SRGAP2: variants seen among roughly 807,000 people sequenced by gnomAD.
The protein encoded by SRGAP2 is SLIT-ROBO Rho GTPase activating protein 2, also known as SLIT-ROBO Rho GTPase-activating protein 2.
SRGAP2 carries 15 observed loss-of-function variants against 57.2 expected under a neutral mutation model. The ratio of observed to expected loss-of-function variants is 0.26; its 90% CI spans 0.18 to 0.40. The LOEUF (loss-of-function observed/expected upper bound fraction) is 0.40, where lower values mean the gene tolerates loss of function less well. SRGAP2 is among the 10% of genes least tolerant of loss of function. The pLI, the probability that SRGAP2 is intolerant of heterozygous loss-of-function variation, is 1.00. For synonymous variants in SRGAP2, 249 were observed against 248.0 expected (o/e 1.00, Z -0.04); for missense variants, 520 against 669.6 (o/e 0.78, Z 2.47).
intron 2 of SRGAP2, among the ~76,000 whole-genome samples, chr1:206,279,601 T>G (rs1336548385): frequency 9.6e-6 from 1 of 103,760 alleles, no homozygotes; most frequent in Admixed American, 9.5e-5. Flanking sequence ...TTTTTTTTTG[T>G]AGAGACAAGG....
At chr1:206,237,609 C>T (rs1405002502) in intron 2 of SRGAP2, among the ~76,000 whole-genome samples, 1 of 152,116 alleles carries the variant, frequency 6.6e-6, no homozygotes, top group Non-Finnish European at 1.5e-5. Context: ...AGCATTCAAC[C>T]TCTTTTTCAT....
At chr1:206,309,248 A>G (rs1282020021) in intron 3 of SRGAP2, among the ~76,000 whole-genome samples, 2 of 151,064 alleles carry the variant, frequency 1.3e-5, no homozygotes, top group Non-Finnish European at 2.9e-5. Flanking sequence ...TTTAGTAGAG[A>G]TATGAGAACA....
At chr1:206,419,961 C>T (rs182805369) in intron 12 of SRGAP2, among the ~76,000 whole-genome samples, 149 of 152,160 alleles carry the variant, frequency 9.8e-4, no homozygotes, top group Non-Finnish European at 1.6e-3. Context: ...CCAATCTTTC[C>T]CCACCTTCCC....
chr1:206,458,335 A>G (rs919367550), intron 21 of SRGAP2: 4 of 594,936 alleles, frequency 6.7e-6, no homozygotes, highest in Admixed American at 2.2e-5. Flanking sequence ...CTTTCCCATT[A>G]GAAACCTTCG....
chr1:206,438,155 A>G (rs1661944488), intron 16 of SRGAP2, 57 bp downstream of exon 16: 4 of 765,886 alleles, frequency 5.2e-6, no homozygotes, highest in Non-Finnish European at 9.8e-6. Flanking sequence ...GTAGCAAGAG[A>G]GAAAAAGTTT....
intron 10 of SRGAP2, among the ~76,000 whole-genome samples, chr1:206,410,439 A>G (rs782493017): frequency 1.3e-5 from 2 of 152,238 alleles, no homozygotes; most frequent in Non-Finnish European, 2.9e-5. Context: ...AAAAGGGTAT[A>G]CAGGAAAACG....
chr1:206,349,526 A>T (rs1307562924), intron 4 of SRGAP2, among the ~76,000 whole-genome samples: 9 of 149,688 alleles, frequency 6.0e-5, no homozygotes, highest in Non-Finnish European at 8.9e-5. Flanking sequence ...AAAAAAAAAA[A>T]GAGGTCCATA....
Position 206,461,651 on chromosome 1 carries a change from C to T in SRGAP2, c.*231C>T. 1.9e-6 allele frequency: 1 copy of T among 523,442 alleles called. No individual in the cohort carries two copies. The highest frequency in any genetic ancestry group is 3.4e-6 in the Non-Finnish European group (1 of 296,992). 32.4% of individuals were successfully genotyped at this position (523,442 alleles called of 1,614,324 possible). A position where few individuals can be genotyped will look rare whatever the true frequency, so the allele number is the denominator to read the frequency against. On this transcript the variant is annotated 3_prime_UTR_variant, in exon 23 of 23. Transcript: ENST00000573034. Reference sequence around the variant, plus strand: ...TCGTCGTAATTCAGCCAGCTGCAGTCCGTACCGTTCTTAGGTTAGCCAGAG... The same window carrying T: ...TCGTCGTAATTCAGCCAGCTGCAGTTCGTACCGTTCTTAGGTTAGCCAGAG...
intron 13 of SRGAP2, among the ~76,000 whole-genome samples, chr1:206,425,405 T>C (rs1660704380): frequency 6.6e-6 from 1 of 152,174 alleles, no homozygotes; most frequent in African/African-American, 2.4e-5. Flanking sequence ...AAATCTTCTA[T>C]CTGTTTTGAA....
At chr1:206,253,542 C>G (rs1253270001) in intron 2 of SRGAP2, among the ~76,000 whole-genome samples, 2 of 150,078 alleles carry the variant, frequency 1.3e-5, no homozygotes, top group Non-Finnish European at 3.0e-5. Context: ...TTCCTTCACT[C>G]TCTCTCTCTT....
chr1:206,438,354 T>G (rs546688888), intron 16 of SRGAP2, among the ~76,000 whole-genome samples: 1 of 152,126 alleles, frequency 6.6e-6, no homozygotes, highest in African/African-American at 2.4e-5. Context: ...ATCTCTGGGC[T>G]TTATCTTTTT....
At chr1:206,322,566 C>T (rs78427777) in intron 3 of SRGAP2, among the ~76,000 whole-genome samples, 2,788 of 131,766 alleles carry the variant, frequency 0.021, 30 homozygotes, top group Middle Eastern at 0.031. Context: ...GGTGACAGAC[C>T]GAGACTCCAT....
chr1:206,203,799 C>T, intron 1 of SRGAP2, 149 bp downstream of exon 1: 3 of 1,533,152 alleles, frequency 2.0e-6, no homozygotes, highest in South Asian at 1.2e-5. Context: ...CCTCAGACCG[C>T]CCCCCCTCCA....
chr1:206,273,395 T>C lies in SRGAP2; in HGVS notation c.68-29886T>C, dbSNP rs1305837677. ...TTTGCCCTTGGACAGGGGAAGAGGATATCTGGGGATTTATATTTTCTATCA... is the reference window on the plus strand; with the variant it reads ...TTTGCCCTTGGACAGGGGAAGAGGACATCTGGGGATTTATATTTTCTATCA... On this transcript the variant is annotated intron_variant, in intron 2 of 22. Transcript: ENST00000573034. Among the ~76,000 whole-genome samples, 727 of 146,190 alleles carry C rather than the reference T, an allele frequency of 5.0e-3. 12 individuals are homozygous for C. Among genetic ancestry groups the C allele is most frequent in the African/African-American group, 0.019 (684 of 36,334 alleles).
chr1:206,354,380 C>G (rs1438311090), intron 4 of SRGAP2, among the ~76,000 whole-genome samples: 3 of 152,116 alleles, frequency 2.0e-5, no homozygotes, highest in African/African-American at 7.2e-5. Flanking sequence ...TTAGAAAATA[C>G]TGTATACTTA....
intron 2 of SRGAP2, among the ~76,000 whole-genome samples, chr1:206,247,076 C>A (rs1668541540): frequency 7.3e-6 from 1 of 137,798 alleles, no homozygotes; most frequent in South Asian, 2.7e-4. Context: ...TTCTGTGAGC[C>A]CAGGGCTGCG....
rs782493824 is a variant in SRGAP2 at position 206,458,603 on chromosome 1, C to T, written c.2508-20C>T. The T allele has an allele frequency of 1.4e-6, 1 of 719,772 alleles. No individual in the cohort carries two copies. Among genetic ancestry groups the T allele is most frequent in the Non-Finnish European group, 2.6e-6 (1 of 386,888 alleles). The allele number at this position is 719,772 out of a possible 1,614,324, so 44.6% of individuals were successfully genotyped here. A position where few individuals can be genotyped will look rare whatever the true frequency, so the allele number is the denominator to read the frequency against. ...GCCAGGGCTCCCTGATCACACTGCCCTTTCTGTTTGTGATTGAAGGCAAAG... is the reference window on the plus strand; with the variant it reads ...GCCAGGGCTCCCTGATCACACTGCCTTTTCTGTTTGTGATTGAAGGCAAAG... On this transcript the variant is annotated intron_variant, in intron 21 of 22. Coordinates refer to ENST00000573034, the MANE Select transcript of SRGAP2 (RefSeq NM_015326.5).
chr1:206,229,587 A>G (rs1667491742), intron 2 of SRGAP2, among the ~76,000 whole-genome samples: 1 of 152,004 alleles, frequency 6.6e-6, no homozygotes, highest in Non-Finnish European at 1.5e-5. Flanking sequence ...AAAAGAAGGA[A>G]GGGGCTGCAG....
intron 14 of SRGAP2, among the ~76,000 whole-genome samples, chr1:206,430,806 A>G (rs1231599084): frequency 6.6e-6 from 1 of 152,176 alleles, no homozygotes; most frequent in Non-Finnish European, 1.5e-5. Flanking sequence ...TTCTACTTGG[A>G]TGAAGCTGAA....
Sources: allele counts gnomAD v4.1 joint callset (sites outside exome capture counted in the v4.1 genomes callset), GRCh38; gene constraint gnomAD v4.1.1; transcripts MANE v1.5; gene names NCBI Gene and HGNC (gene_info 2026-07-23, HGNC 2026-07-21).